OTOGL: variants seen among roughly 807,000 people sequenced by gnomAD.
The protein encoded by OTOGL is otogelin-like protein.
Under a neutral mutation model 318.5 loss-of-function variants are expected in OTOGL, and 285 were observed. The observed-to-expected ratio is 0.89, with a 90% CI of 0.81 to 0.99. The LOEUF (loss-of-function observed/expected upper bound fraction) is 0.99, where lower values mean the gene tolerates loss of function less well. Among genes scored for constraint, OTOGL ranks in the 50% least tolerant of loss-of-function variants. OTOGL has a pLI of 0.00. For synonymous variants in OTOGL, 987 were observed against 936.5 expected, an observed-to-expected ratio of 1.05 and a Z score of -0.99; for missense variants, 2,899 against 2,845.6, an observed-to-expected ratio of 1.02 and a Z score of -0.43.
Position 80,267,264 on chromosome 12 carries a change from G to A in OTOGL, c.2402G>A (p.Arg801His), listed in dbSNP as rs771349732. The stretch of plus-strand genomic sequence containing the variant: ...TTTTCTTCGTATAGATTCCACTGCC[G>A]TTGTCATTATAGGGGCAGTGTTTAT... ...LNFCVPIFHCRCHYRGSVYQP... is the reference protein window; with the variant it reads ...LNFCVPIFHCHCHYRGSVYQP... The change falls in exon 22 of 59, where the codon CGT (arginine) becomes CAT (histidine). Residue 801 changes from arginine (R) to histidine (H), a missense_variant. Around this residue, in one of 3 missense-constraint regions of OTOGL, gnomAD observed 2,607 missense variants for 2,524.9 expected, o/e 1.03. Coordinates refer to ENST00000547103, the MANE Select transcript of OTOGL (RefSeq NM_001378609.3). The A allele has an allele frequency of 3.6e-5, 56 of 1,552,350 alleles. No individual in the cohort carries two copies. The highest frequency in any genetic ancestry group is 2.1e-4 in the East Asian group (9 of 43,478).
At chr12:80,330,281 A>G (rs1351449488) in intron 37 of OTOGL, among the ~76,000 whole-genome samples, 1 of 152,174 alleles carries the variant, frequency 6.6e-6, no homozygotes, top group Non-Finnish European at 1.5e-5. Flanking sequence ...AGTACTAATT[A>G]TATGCCAGGT....
chr12:80,200,218 A>G (rs903250933), intron 1 of OTOGL, among the ~76,000 whole-genome samples: 1 of 152,244 alleles, frequency 6.6e-6, no homozygotes, highest in East Asian at 1.9e-4. Context: ...AAATAGGAAT[A>G]TAAATTAATT....
chr12:80,211,001 AAG>A, intron 3 of OTOGL, 115 bp downstream of exon 3: 1 of 641,066 alleles, frequency 1.6e-6, no homozygotes. Context: ...TTTTACAAAA[AAG>A]CATGAAATAT....
At chr12:80,317,747 G>A (rs753044859) in intron 32 of OTOGL, among the ~76,000 whole-genome samples, 1 of 151,870 alleles carries the variant, frequency 6.6e-6, no homozygotes, top group African/African-American at 2.4e-5. Flanking sequence ...AATTTTCTTT[G>A]GTCCTCCTGT....
Position 80,148,120 on chromosome 12 carries a change from C to T in OTOGL, c.-20+48515C>T, listed in dbSNP as rs778127705. ...GATGATGTTAGCTGGTGATTTTGCT[C>T]GTTAGTTGATGCAGTTTCTTCCTAG... On this transcript the variant is annotated intron_variant, in intron 1 of 58. Transcript: ENST00000547103. Among the ~76,000 whole-genome samples, 367 of 151,068 alleles carry T rather than the reference C, an allele frequency of 2.4e-3. 1 individual carries two copies. The highest frequency in any genetic ancestry group is 6.8e-3 in the Middle Eastern group (2 of 292).
chr12:80,226,870 G>A lies in OTOGL; in HGVS notation c.490-2387G>A, dbSNP rs187721872. On this transcript the variant is annotated intron_variant, in intron 7 of 58. Coordinates refer to ENST00000547103, the MANE Select transcript of OTOGL (RefSeq NM_001378609.3). ...TTCCTGGAAAGTGTGCATGGGAAGA[G>A]AATTTTTGAAGCCTTGATTTTAATT... 1.1e-4 allele frequency among the ~76,000 whole-genome samples: 17 copies of A among 152,256 alleles called. No homozygotes were observed. The East Asian group carries it at 3.1e-3, about 28-fold the overall frequency.
intron 1 of OTOGL, among the ~76,000 whole-genome samples, chr12:80,140,924 G>T (rs987714594): frequency 1.3e-5 from 2 of 152,016 alleles, no homozygotes; most frequent in African/African-American, 4.8e-5. Flanking sequence ...AGTGTACATA[G>T]AATAACTTCT....
rs528111936 is a variant in OTOGL, at chr12:80,379,016, T to G, written c.*968T>G. The G allele has an allele frequency of 2.0e-5, 3 of 152,616 alleles. No individual in the cohort carries two copies. In the South Asian group the frequency reaches 6.2e-4, roughly 32 times the overall value. 9.5% of individuals were successfully genotyped at this position (152,616 alleles called of 1,614,324 possible). On this transcript the variant is annotated 3_prime_UTR_variant, in exon 59 of 59. Coordinates refer to ENST00000547103, the MANE Select transcript of OTOGL (RefSeq NM_001378609.3). ...GTACTTGCATACTGTTGAAGTTGAGTGCTGTTTTGCTGTTAATGCTGCTGC... is the reference window on the plus strand; with the variant it reads ...GTACTTGCATACTGTTGAAGTTGAGGGCTGTTTTGCTGTTAATGCTGCTGC...
chr12:80,143,811 T>A (rs1464709160), intron 1 of OTOGL, among the ~76,000 whole-genome samples: 1 of 152,172 alleles, frequency 6.6e-6, no homozygotes, highest in Non-Finnish European at 1.5e-5. Flanking sequence ...GTTGCGTCAG[T>A]CACTATTTTA....
intron 29 of OTOGL, among the ~76,000 whole-genome samples, chr12:80,307,759 TC>T (rs2137767019): frequency 7.2e-6 from 1 of 139,202 alleles, no homozygotes; most frequent in Admixed American, 7.1e-5. Flanking sequence ...GCCACCTCCC[TC>T]CCGGACGGGG....
chr12:80,100,087 G>A (rs1177698712), intron 1 of OTOGL, among the ~76,000 whole-genome samples: 1 of 152,120 alleles, frequency 6.6e-6, no homozygotes, highest in Admixed American at 6.5e-5. Flanking sequence ...CTTCCTCATG[G>A]TCTGGAAGGC....
At chr12:80,104,383 C>T (rs546266097) in intron 1 of OTOGL, among the ~76,000 whole-genome samples, 1 of 152,260 alleles carries the variant, frequency 6.6e-6, no homozygotes, top group South Asian at 2.1e-4. Flanking sequence ...ACTGGGGGAG[C>T]TTTAAAAAAT....
chr12:80,121,590 C>G (rs563858858), intron 1 of OTOGL, among the ~76,000 whole-genome samples: 1 of 152,138 alleles, frequency 6.6e-6, no homozygotes, highest in Non-Finnish European at 1.5e-5. Flanking sequence ...AAATAAAAAA[C>G]CAAACCATAA....
intron 1 of OTOGL, among the ~76,000 whole-genome samples, chr12:80,179,116 G>A (rs1321928354): frequency 6.6e-6 from 1 of 152,060 alleles, no homozygotes; most frequent in Non-Finnish European, 1.5e-5. Context: ...TGGGGGCTGG[G>A]GTAAAGTGAC....
intron 22 of OTOGL, 77 bp downstream of exon 22, chr12:80,267,404 T>C (rs1328608705): frequency 1.3e-5 from 9 of 686,306 alleles, no homozygotes; most frequent in Non-Finnish European, 1.2e-5. Flanking sequence ...TATATATATA[T>C]ATATTTTTTT....
chr12:80,278,355 A>G lies in OTOGL; in HGVS notation c.2789+80A>G, dbSNP rs996174785. On this transcript the variant is annotated intron_variant, in intron 25 of 58. Coordinates refer to ENST00000547103, the MANE Select transcript of OTOGL (RefSeq NM_001378609.3). ...AATCATCTTTTATTTATTTAATGAG[A>G]CTGACATCAGCAAAAAGTAAATCAA... The G allele has an allele frequency of 1.7e-5, 20 of 1,151,700 alleles. 1 individual carries two copies. The African/African-American group carries it at 2.8e-4, about 16-fold the overall frequency. 71.3% of individuals were successfully genotyped at this position (1,151,700 alleles called of 1,614,324 possible).
intron 29 of OTOGL, among the ~76,000 whole-genome samples, chr12:80,308,339 C>T (rs951032804): frequency 1.3e-5 from 2 of 150,188 alleles, no homozygotes; most frequent in African/African-American, 2.5e-5. Context: ...ACGGGGCGTC[C>T]GGGCAGAGAC....
chr12:80,379,394 C>G lies in OTOGL; in HGVS notation c.*1346C>G, dbSNP rs1891345897. The G allele has an allele frequency of 6.6e-6, 1 of 151,868 alleles. No individual in the cohort carries two copies. Among genetic ancestry groups the G allele is most frequent in the Non-Finnish European group, 1.5e-5 (1 of 67,878 alleles). 9.4% of individuals were successfully genotyped at this position (151,868 alleles called of 1,614,324 possible). ...GTTTTCATTTCAAAATCATGTGTCC[C>G]CAAAATATTGCAACTTACTGAATAT... On this transcript the variant is annotated 3_prime_UTR_variant, in exon 59 of 59. Transcript: ENST00000547103.
chr12:80,152,190 A>T (rs1201783313), intron 1 of OTOGL, among the ~76,000 whole-genome samples: 1 of 152,038 alleles, frequency 6.6e-6, no homozygotes, highest in Non-Finnish European at 1.5e-5. Context: ...AGAGAGGAGC[A>T]CTGAAAGGAG....
Sources: gnomAD v4.1 joint callset for allele counts (sites outside exome capture counted in the v4.1 genomes callset) on GRCh38, gnomAD v4.1.1 for gene constraint, gnomAD v4.1.1 regional missense constraint, MANE v1.5 for transcripts, NCBI Gene and HGNC (gene_info 2026-07-23, HGNC 2026-07-21) for gene names.